SPATA17: variants seen among roughly 807,000 people sequenced by gnomAD.
The protein encoded by SPATA17 is spermatogenesis-associated protein 17.
A neutral mutation model predicts 62.2 loss-of-function variants in SPATA17; 53 were observed. That is an observed-to-expected ratio of 0.85 (90% CI 0.68 to 1.07). The LOEUF (loss-of-function observed/expected upper bound fraction) is 1.07. Ranked by LOEUF, SPATA17 falls within the 50% of genes least tolerant of loss-of-function variation. The pLI, the probability that SPATA17 is intolerant of heterozygous loss-of-function variation, is 0.00. For synonymous variants in SPATA17, 146 were observed against 146.8 expected (o/e 0.99, Z 0.04); for missense variants, 466 against 425.5 (o/e 1.10, Z -0.84).
intron 6 of SPATA17, among the ~76,000 whole-genome samples, chr1:217,748,693 G>A (rs1412405205): frequency 1.4e-5 from 2 of 147,452 alleles, no homozygotes; most frequent in Non-Finnish European, 3.0e-5. Flanking sequence ...GCAGTGAGCC[G>A]AGATCACGCC....
chr1:217,829,255 T>C (rs1675073578), intron 9 of SPATA17, among the ~76,000 whole-genome samples: 1 of 151,924 alleles, frequency 6.6e-6, no homozygotes, highest in African/African-American at 2.4e-5. Flanking sequence ...TTTAAAAAGC[T>C]TTATAAAAGA....
intron 3 of SPATA17, among the ~76,000 whole-genome samples, chr1:217,666,400 A>G (rs538390372): frequency 2.0e-5 from 3 of 152,188 alleles, no homozygotes; most frequent in Non-Finnish European, 4.4e-5. Flanking sequence ...CCAAAGGGTT[A>G]GTGTTAATAT....
intron 9 of SPATA17, among the ~76,000 whole-genome samples, chr1:217,835,366 A>C (rs920820297): frequency 2.0e-5 from 3 of 152,154 alleles, no homozygotes; most frequent in Non-Finnish European, 2.9e-5. Context: ...GGATGTTCAG[A>C]GATTTCTGCT....
rs536624713 is a variant in SPATA17, at chr1:217,865,980, C to T, written c.*3-1042C>T. On this transcript the variant is annotated intron_variant, in intron 10 of 10. Coordinates refer to ENST00000366933, the MANE Select transcript of SPATA17 (RefSeq NM_138796.4). ...TGGCATATGAACAACTCAGCTAAAA[C>T]AAATAAATCAATGAAATGAAAAATA... 2.0e-5 allele frequency among the ~76,000 whole-genome samples: 3 copies of T among 152,142 alleles called. No homozygotes were observed. The East Asian group carries it at 5.8e-4, about 29-fold the overall frequency.
intron 9 of SPATA17, among the ~76,000 whole-genome samples, chr1:217,805,976 A>T (rs985420): frequency 0.28 from 43,211 of 152,050 alleles, 6,413 homozygotes; most frequent in East Asian, 0.49. Flanking sequence ...CAGATATGGG[A>T]GAAACTTGCC....
intron 9 of SPATA17, among the ~76,000 whole-genome samples, chr1:217,805,623 G>T (rs1858228): frequency 0.75 from 114,242 of 152,074 alleles, 43,244 homozygotes; most frequent in Non-Finnish European, 0.8. Flanking sequence ...TATATGTATA[G>T]CAGAAGATCA....
Position 217,862,825 on chromosome 1 carries a change from T to A in SPATA17, c.1057T>A (p.Leu353Ile). The A allele has an allele frequency of 6.2e-7, 1 of 1,610,186 alleles. No homozygotes were observed. The highest frequency in any genetic ancestry group is 8.5e-7 in the Non-Finnish European group (1 of 1,177,794). The change falls in exon 10 of 11, where the codon TTA becomes ATA. Residue 353 changes from leucine (L) to isoleucine (I), a missense_variant. Leu to Ile is a conservative substitution (Grantham distance 5). Coordinates refer to ENST00000366933, the MANE Select transcript of SPATA17 (RefSeq NM_138796.4). ...SFELFSKYGK[L>I]YSKAGQIV The stretch of plus-strand genomic sequence containing the variant: ...TGAGCTCTTCTCAAAGTATGGAAAA[T>A]TATATTCAAAAGCTGGACAGATTGT...
At chr1:217,646,590 G>A (rs1670187368) in intron 1 of SPATA17, among the ~76,000 whole-genome samples, 1 of 151,810 alleles carries the variant, frequency 6.6e-6, no homozygotes, top group Admixed American at 6.6e-5. Flanking sequence ...TTTAGAAGCA[G>A]TGATGGTTAA....
At chr1:217,700,085 T>C (rs916778585) in intron 5 of SPATA17, among the ~76,000 whole-genome samples, 5 of 152,184 alleles carry the variant, frequency 3.3e-5, no homozygotes, top group Non-Finnish European at 7.3e-5. Context: ...AACCTTAACG[T>C]TGGGCAGGGG....
At chr1:217,803,937 A>G (rs61825825) in intron 9 of SPATA17, among the ~76,000 whole-genome samples, 4,846 of 151,994 alleles carry the variant, frequency 0.032, 108 homozygotes, top group Middle Eastern at 0.065. Context: ...AGGATCACTC[A>G]AACCTTGGAG....
At chr1:217,703,174 C>CTTTTTTTT (rs1203063860) in intron 5 of SPATA17, among the ~76,000 whole-genome samples, 8 of 105,512 alleles carry the variant, frequency 7.6e-5, no homozygotes, top group African/African-American at 1.9e-4. Context: ...TGCGCTCGGC[C>CTTTTTTTT]TTTTTTTTTT....
At chr1:217,747,773 T>C (rs899451919) in intron 6 of SPATA17, among the ~76,000 whole-genome samples, 46 of 152,286 alleles carry the variant, frequency 3.0e-4, no homozygotes, top group African/African-American at 1.1e-3. Flanking sequence ...AATTTTCATG[T>C]CATAATTTAT....
chr1:217,804,645 TAG>T (rs1558057944), intron 9 of SPATA17, among the ~76,000 whole-genome samples: 1 of 152,176 alleles, frequency 6.6e-6, no homozygotes, highest in Non-Finnish European at 1.5e-5. Flanking sequence ...ATACATTTGA[TAG>T]AGTTAATATC....
intron 9 of SPATA17, among the ~76,000 whole-genome samples, chr1:217,855,981 C>G (rs574794048): frequency 3.9e-4 from 60 of 151,962 alleles, no homozygotes; most frequent in African/African-American, 1.4e-3. Context: ...CCCCTGAACC[C>G]CCCAAAGTGC....
intron 8 of SPATA17, among the ~76,000 whole-genome samples, chr1:217,798,136 A>T (rs1406664110): frequency 6.6e-6 from 1 of 152,236 alleles, no homozygotes; most frequent in Non-Finnish European, 1.5e-5. Flanking sequence ...GTAATTTAAA[A>T]GATAAAACTA....
chr1:217,645,314 A>C (rs1670154850), intron 1 of SPATA17, among the ~76,000 whole-genome samples: 1 of 152,142 alleles, frequency 6.6e-6, no homozygotes, highest in African/African-American at 2.4e-5. Flanking sequence ...AAAACAGTTA[A>C]TTTGATTGCT....
intron 5 of SPATA17, among the ~76,000 whole-genome samples, chr1:217,723,238 G>A (rs369300879): frequency 6.8e-4 from 103 of 152,286 alleles, no homozygotes; most frequent in African/African-American, 1.6e-3. Context: ...TCTACAGTGA[G>A]CCTGAAAAGT....
At chr1:217,643,712 C>A (rs1670119852) in intron 1 of SPATA17, among the ~76,000 whole-genome samples, 1 of 131,170 alleles carries the variant, frequency 7.6e-6, no homozygotes, top group East Asian at 2.0e-4. Context: ...AACTCTCTCT[C>A]TCTATATATA....
At chr1:217,686,936 C>A (rs1671230193) in intron 5 of SPATA17, among the ~76,000 whole-genome samples, 1 of 152,170 alleles carries the variant, frequency 6.6e-6, no homozygotes, top group Non-Finnish European at 1.5e-5. Flanking sequence ...CCAGGCTGGT[C>A]TTGAACTCCT....
Sources: gnomAD v4.1 joint callset for allele counts (sites outside exome capture counted in the v4.1 genomes callset) on GRCh38, gnomAD v4.1.1 for gene constraint, MANE v1.5 for transcripts, NCBI Gene and HGNC (gene_info 2026-07-23, HGNC 2026-07-21) for gene names.